CEP57L1: variants seen among roughly 807,000 people sequenced by gnomAD.
CEP57L1 encodes centrosomal protein 57 like 1.
Under a neutral mutation model 61.0 loss-of-function variants are expected in CEP57L1, and 37 were observed. The observed-to-expected ratio is 0.61, with a 90% CI of 0.47 to 0.80. The LOEUF (loss-of-function observed/expected upper bound fraction) is 0.80. Ranked by LOEUF, CEP57L1 falls within the 30% of genes least tolerant of loss-of-function variation. The probability of loss-of-function intolerance (pLI) is 0.00; values close to 1 mark genes in which losing one functional copy is unlikely to be tolerated. For missense variants in CEP57L1, 422 were observed against 524.7 expected (o/e 0.80, Z 1.91); for synonymous variants, 137 against 162.3 (o/e 0.84, Z 1.19).
At chr6:109,109,768 T>A (rs1194055677) in intron 1 of CEP57L1, among the ~76,000 whole-genome samples, 4 of 152,168 alleles carry the variant, frequency 2.6e-5, no homozygotes, top group Non-Finnish European at 5.9e-5. Context: ...CAACTCCCAC[T>A]TATGAGTGAG....
chr6:109,148,387 C>A (rs1002679431), intron 3 of CEP57L1, among the ~76,000 whole-genome samples: 4 of 151,912 alleles, frequency 2.6e-5, no homozygotes, highest in Admixed American at 6.6e-5. Flanking sequence ...TTTGTCCTTG[C>A]GATAGTTTAC....
At chr6:109,119,407 G>C (rs1313776755) in intron 1 of CEP57L1, among the ~76,000 whole-genome samples, 2 of 152,164 alleles carry the variant, frequency 1.3e-5, no homozygotes, top group Admixed American at 6.5e-5. Flanking sequence ...GGTAAGGATG[G>C]GAGAGGATAG....
intron 1 of CEP57L1, among the ~76,000 whole-genome samples, chr6:109,116,077 T>C (rs923613754): frequency 2.6e-5 from 4 of 151,624 alleles, no homozygotes; most frequent in African/African-American, 9.7e-5. Context: ...ATTTCCTCCC[T>C]ATTAAGCATT....
chr6:109,137,200 T>C (rs968297236), intron 1 of CEP57L1, among the ~76,000 whole-genome samples: 2 of 152,220 alleles, frequency 1.3e-5, no homozygotes, highest in African/African-American at 4.8e-5. Flanking sequence ...ATGCGTATTT[T>C]CATTTTTATT....
chr6:109,138,741 G>A (rs999483771), intron 1 of CEP57L1, among the ~76,000 whole-genome samples: 5 of 152,190 alleles, frequency 3.3e-5, no homozygotes, highest in African/African-American at 1.2e-4. Context: ...AAGTATGACC[G>A]CCTTTTATCA....
chr6:109,118,587 C>A lies in CEP57L1; in HGVS notation c.-4+23012C>A, dbSNP rs76688852. The stretch of plus-strand genomic sequence containing the variant: ...GTTCACCTCAGACATGTGGGTCAAA[C>A]GTCACTGTAGTTAACATACTGAAGC... On this transcript the variant is annotated intron_variant, in intron 1 of 10. Transcript: ENST00000517392. Among the ~76,000 whole-genome samples, 1,262 of 152,290 alleles carry A rather than the reference C, an allele frequency of 8.3e-3. 24 individuals carry two copies. The highest frequency in any genetic ancestry group is 0.029 in the African/African-American group (1,211 of 41,554).
chr6:109,167,667 A>C lies in CEP57L1; in HGVS notation c.*4697A>C, dbSNP rs1011030021. Reference sequence around the variant, plus strand: ...ACTCCAGCCTGGGCAACAGAGCAAGACTCTGCCTCAAAGCAAAAAAAAAAA... The same window carrying C: ...ACTCCAGCCTGGGCAACAGAGCAAGCCTCTGCCTCAAAGCAAAAAAAAAAA... On this transcript the variant is annotated 3_prime_UTR_variant, in exon 11 of 11. Transcript: ENST00000517392. 6.6e-6 allele frequency among the ~76,000 whole-genome samples: 1 copy of C among 150,844 alleles called. No homozygotes were observed. Among genetic ancestry groups the C allele is most frequent in the African/African-American group, 2.5e-5 (1 of 40,642 alleles).
At chr6:109,142,497 G>A (rs904417857) in intron 1 of CEP57L1, among the ~76,000 whole-genome samples, 2 of 151,894 alleles carry the variant, frequency 1.3e-5, no homozygotes, top group African/African-American at 4.8e-5. Flanking sequence ...CGAGTCAATA[G>A]GTGCAGCAAA....
chr6:109,130,034 CAG>C (rs1305195191), intron 1 of CEP57L1, among the ~76,000 whole-genome samples: 1 of 152,144 alleles, frequency 6.6e-6, no homozygotes, highest in East Asian at 1.9e-4. Context: ...CCCCATCAAT[CAG>C]AGAGTGTTAA....
chr6:109,130,174 AC>A (rs1443742257), intron 1 of CEP57L1, among the ~76,000 whole-genome samples: 3 of 151,910 alleles, frequency 2.0e-5, no homozygotes, highest in Non-Finnish European at 4.4e-5. Flanking sequence ...AATCTCTAAA[AC>A]TTTTTCATCT....
upstream of CEP57L1, chr6:109,095,399 A>T: frequency 4.1e-6 from 4 of 985,896 alleles, no homozygotes; most frequent in South Asian, 1.9e-4. Flanking sequence ...TCCAAACCCC[A>T]GATTTAAGTC....
At chr6:109,105,326 A>AC (rs1232821094) in intron 1 of CEP57L1, among the ~76,000 whole-genome samples, 2 of 152,166 alleles carry the variant, frequency 1.3e-5, no homozygotes, top group African/African-American at 4.8e-5. Context: ...ATAGATGTTC[A>AC]GTCTAGCTAG....
intron 1 of CEP57L1, among the ~76,000 whole-genome samples, chr6:109,127,871 G>A (rs977106989): frequency 2.0e-5 from 3 of 151,184 alleles, no homozygotes; most frequent in Admixed American, 6.6e-5. Flanking sequence ...CTCGTGATCC[G>A]CCCGCCTCGG....
At position 109,130,646 on chromosome 6, in the gene CEP57L1, C is replaced by T. The variant is rs116380584; in HGVS notation, c.-3-14573C>T. The T allele has an allele frequency of 5.3e-3, 792 of 149,980 alleles. 13 individuals carry two copies. The highest frequency in any genetic ancestry group is 0.019 in the African/African-American group (761 of 40,326). 9.3% of individuals were successfully genotyped at this position (149,980 alleles called of 1,614,324 possible). On this transcript the variant is annotated intron_variant, in intron 1 of 10. Transcript: ENST00000517392. ...ATTGACATTTTTAAAGAAAACAACC[C>T]CCTCTCTGCTGGTTTTGTTTTTTTT...
At chr6:109,128,608 G>A (rs573470212) in intron 1 of CEP57L1, among the ~76,000 whole-genome samples, 1 of 152,000 alleles carries the variant, frequency 6.6e-6, no homozygotes, top group Admixed American at 6.6e-5. Flanking sequence ...ACCTCCCTAT[G>A]GTCTAATCAA....
chr6:109,160,261 G>C (rs908702903), intron 9 of CEP57L1, among the ~76,000 whole-genome samples: 4 of 152,198 alleles, frequency 2.6e-5, no homozygotes, highest in Admixed American at 2.6e-4. Context: ...TAACGAGGAA[G>C]AAAGCCCTTT....
chr6:109,158,057 T>C (rs1390821543), intron 7 of CEP57L1: 2 of 152,470 alleles, frequency 1.3e-5, no homozygotes, highest in Non-Finnish European at 1.5e-5. Flanking sequence ...AATGGAATTA[T>C]GCAGTATGTA....
intron 1 of CEP57L1, among the ~76,000 whole-genome samples, chr6:109,134,490 T>C (rs1016728236): frequency 7.9e-5 from 12 of 152,320 alleles, no homozygotes; most frequent in African/African-American, 2.9e-4. Flanking sequence ...GCATGCCCTT[T>C]GAAAACTGGC....
intron 1 of CEP57L1, among the ~76,000 whole-genome samples, chr6:109,135,095 C>T (rs1255413489): frequency 2.0e-5 from 3 of 152,026 alleles, no homozygotes; most frequent in East Asian, 1.9e-4. Context: ...AAAAAGAGCC[C>T]GCATCGCCAA....
Sources: gnomAD v4.1 joint callset for allele counts (sites outside exome capture counted in the v4.1 genomes callset) on GRCh38, gnomAD v4.1.1 for gene constraint, MANE v1.5 for transcripts, NCBI Gene and HGNC (gene_info 2026-07-23, HGNC 2026-07-21) for gene names.